The following MATN2 variants were observed in gnomAD, a reference collection of about 807,000 sequenced individuals.
MATN2 encodes the protein matrilin-2.
A neutral mutation model predicts 103.2 loss-of-function variants in MATN2; 69 were observed. The observed-to-expected ratio is 0.67, with a 90% CI of 0.55 to 0.82. The LOEUF is 0.82. MATN2 is among the 40% of genes least tolerant of loss of function. The pLI, the probability that MATN2 is intolerant of heterozygous loss-of-function variation, is 0.00. For synonymous variants in MATN2, 429 were observed against 450.2 expected (o/e 0.95, Z 0.60); for missense variants, 1,023 against 1,211.5 (o/e 0.84, Z 2.31).
chr8:97,946,521 C>T (rs1208839675), intron 4 of MATN2, among the ~76,000 whole-genome samples: 1 of 152,128 alleles, frequency 6.6e-6, no homozygotes, highest in African/African-American at 2.4e-5. Context: ...GAAAGAAAAC[C>T]TCATGAAGTG....
chr8:98,033,841 G>T (rs1456030909), intron 18 of MATN2, 182 bp downstream of exon 18: 1 of 559,350 alleles, frequency 1.8e-6, no homozygotes, highest in Non-Finnish European at 3.2e-6. Flanking sequence ...GCAAGGGCAA[G>T]CCAAGCTTAT....
At chr8:98,000,596 C>CAAAAAAAAAAAAAAAAAAAAAAAAAA (rs67682756) in intron 7 of MATN2, among the ~76,000 whole-genome samples, 1 of 49,626 alleles carries the variant, frequency 2.0e-5, no homozygotes. Context: ...GACTCCGTCT[C>CAAAAAAAAAAAAAAAAAAAAAAAAAA]AAAAAAAAAA....
At chr8:97,908,443 C>T (rs1265470856) in intron 2 of MATN2, among the ~76,000 whole-genome samples, 2 of 152,124 alleles carry the variant, frequency 1.3e-5, no homozygotes, top group Non-Finnish European at 2.9e-5. Context: ...GAGCCCATCT[C>T]AAAGAAAACC....
chr8:98,033,939 A>G (rs1238487649), intron 18 of MATN2, among the ~76,000 whole-genome samples: 3 of 152,192 alleles, frequency 2.0e-5, no homozygotes, highest in East Asian at 1.9e-4. Context: ...GTAAGGAAAA[A>G]AGAGACACTG....
intron 5 of MATN2, among the ~76,000 whole-genome samples, chr8:97,964,455 TTTTTTTTC>T (rs1456062917): frequency 4.0e-5 from 6 of 149,438 alleles, no homozygotes; most frequent in Non-Finnish European, 9.0e-5. Context: ...ATTCTTTTTT[TTTTTTTTC>T]TTTTTTTTGA....
intron 3 of MATN2, among the ~76,000 whole-genome samples, chr8:97,935,882 G>T (rs1456382739): frequency 6.6e-6 from 1 of 152,198 alleles, no homozygotes; most frequent in Non-Finnish European, 1.5e-5. Flanking sequence ...TTCTGTCTGG[G>T]TGTGATCAAG....
chr8:97,916,871 G>A (rs1200053004), intron 2 of MATN2, among the ~76,000 whole-genome samples: 11 of 152,144 alleles, frequency 7.2e-5, no homozygotes, highest in African/African-American at 1.7e-4. Flanking sequence ...CTCATATGAC[G>A]TCTCTTTTCT....
At position 97,936,564 on chromosome 8, in the gene MATN2, T is replaced by C. The variant is rs903745816; in HGVS notation, c.712+5042T>C. Among the ~76,000 whole-genome samples, 15 of 152,322 alleles carry C rather than the reference T, an allele frequency of 9.8e-5. No individual in the cohort carries two copies. The South Asian group carries it at 2.9e-3, about 29-fold the overall frequency. ...CACCTCCCTACACTGACCACTCCTT[T>C]AGTCATTCATACAATCATTAAAAAA... On this transcript the variant is annotated intron_variant, in intron 3 of 18. Coordinates refer to ENST00000254898, the MANE Select transcript of MATN2 (RefSeq NM_002380.5).
At chr8:98,008,060 G>T (rs1813033633) in intron 10 of MATN2, among the ~76,000 whole-genome samples, 1 of 152,172 alleles carries the variant, frequency 6.6e-6, no homozygotes, top group Non-Finnish European at 1.5e-5. Flanking sequence ...TGAGTGGTGG[G>T]TTCAAACTCT....
chr8:98,000,078 A>ACT (rs1812729285), intron 7 of MATN2, among the ~76,000 whole-genome samples: 1 of 150,966 alleles, frequency 6.6e-6, no homozygotes, highest in Admixed American at 6.6e-5. Flanking sequence ...GTGGGCTTTC[A>ACT]CCATGTTGGC....
intron 3 of MATN2, among the ~76,000 whole-genome samples, chr8:97,939,036 CT>C (rs1488367454): frequency 2.6e-5 from 4 of 151,752 alleles, no homozygotes; most frequent in Non-Finnish European, 4.4e-5. Flanking sequence ...TTCCTGACTA[CT>C]TTTTGTATTT....
At chr8:98,025,855 T>G in intron 13 of MATN2, 1 of 345,150 alleles carries the variant, frequency 2.9e-6, no homozygotes, top group East Asian at 1.0e-4. Flanking sequence ...ATAAAGCTTT[T>G]ATTTCTGCTT....
At chr8:97,872,273 C>A (rs1012913508) in intron 1 of MATN2, among the ~76,000 whole-genome samples, 1 of 152,104 alleles carries the variant, frequency 6.6e-6, no homozygotes, top group African/African-American at 2.4e-5. Context: ...TCACAAAATA[C>A]CTGCATGTAA....
At chr8:97,955,208 A>T (rs546299166) in intron 4 of MATN2, among the ~76,000 whole-genome samples, 1 of 152,308 alleles carries the variant, frequency 6.6e-6, no homozygotes, top group African/African-American at 2.4e-5. Context: ...TCCATCCTAA[A>T]GCAGTGATAA....
At position 97,922,782 on chromosome 8, in the gene MATN2, C is replaced by A. The variant is rs899759404; in HGVS notation, c.143-8171C>A. Among the ~76,000 whole-genome samples, 4 of 152,188 alleles carry A rather than the reference C, an allele frequency of 2.6e-5. No individual in the cohort carries two copies. In the East Asian group the frequency reaches 7.7e-4, roughly 29 times the overall value. On this transcript the variant is annotated intron_variant, in intron 2 of 18. Coordinates refer to ENST00000254898, the MANE Select transcript of MATN2 (RefSeq NM_002380.5). Reference sequence around the variant, plus strand: ...CCACTCCCTCACTGTCCTTCTCTCTCTCAGCATGTATCATTAGAGACCTCC... The same window carrying A: ...CCACTCCCTCACTGTCCTTCTCTCTATCAGCATGTATCATTAGAGACCTCC...
At chr8:98,025,467 G>T in intron 13 of MATN2, 1 of 203,846 alleles carries the variant, frequency 4.9e-6, no homozygotes, top group Non-Finnish European at 1.0e-5. Flanking sequence ...GAGATCATCT[G>T]GCCCAGCACG....
At position 97,939,685 on chromosome 8, in the gene MATN2, A is replaced by G. The variant is rs950984919; in HGVS notation, c.713-2092A>G. Among the ~76,000 whole-genome samples the G allele has an allele frequency of 1.1e-4, 16 of 152,222 alleles. No individual in the cohort carries two copies. In the East Asian group the frequency reaches 2.3e-3, roughly 22 times the overall value. On this transcript the variant is annotated intron_variant, in intron 3 of 18. Transcript: ENST00000254898. ...CTAAATTTAGAGATATTTTAAATTG[A>G]GTGCTCATGCACTCTGAGCATGTCC...
chr8:97,950,500 T>C (rs2130219222), intron 4 of MATN2, among the ~76,000 whole-genome samples: 1 of 152,264 alleles, frequency 6.6e-6, no homozygotes, highest in East Asian at 1.9e-4. Context: ...ACCTGTGGAT[T>C]CCCCTCTATG....
chr8:97,908,012 G>A (rs770240509), intron 2 of MATN2, among the ~76,000 whole-genome samples: 1 of 152,076 alleles, frequency 6.6e-6, no homozygotes, highest in African/African-American at 2.4e-5. Flanking sequence ...GGTGGCAGAC[G>A]CCTGTAACCC....
Sources: gnomAD v4.1 joint callset for allele counts (sites outside exome capture counted in the v4.1 genomes callset) on GRCh38, gnomAD v4.1.1 for gene constraint, MANE v1.5 for transcripts, NCBI Gene and HGNC (gene_info 2026-07-23, HGNC 2026-07-21) for gene names.